The following CUX1 variants were observed in gnomAD, a reference collection of about 807,000 sequenced individuals.
CUX1 encodes cut like homeobox 1, also known as protein CASP.
In CUX1, 31 loss-of-function variants were observed where a neutral mutation model predicts 158.8. The observed-to-expected ratio is 0.20, with a 90% CI of 0.15 to 0.26. The LOEUF (loss-of-function observed/expected upper bound fraction) is 0.26, where lower values mean the gene tolerates loss of function less well. Among genes scored for constraint, CUX1 ranks in the 10% least tolerant of loss-of-function variants. The pLI is 1.00. For missense variants in CUX1, 1,589 were observed against 2,014.6 expected, an observed-to-expected ratio of 0.79 and a Z score of 4.04; for synonymous variants, 879 against 862.1, an observed-to-expected ratio of 1.02 and a Z score of -0.34.
chr7:101,870,144 GT>G lies in CUX1; in HGVS notation c.31-45963del, dbSNP rs112866816. Among the ~76,000 whole-genome samples, 858 of 111,214 alleles carry G rather than the reference GT, an allele frequency of 7.7e-3. 16 individuals carry two copies. Among genetic ancestry groups the G allele is most frequent in the Middle Eastern group, 0.011 (2 of 176 alleles). 73.0% of individuals were successfully genotyped at this position (111,214 alleles called of 152,430 possible). A position where few individuals can be genotyped will look rare whatever the true frequency, so the allele number is the denominator to read the frequency against. ...GGCCATGCAGGCCCTGATGTTTAGT[GT>G]TTTTTTTGTTTTTTTTTTTTTTTTT... On this transcript the variant is annotated intron_variant, in intron 1 of 23. Transcript: ENST00000292535.
intron 5 of CUX1, among the ~76,000 whole-genome samples, chr7:102,101,931 A>G (rs1171167984): frequency 1.3e-5 from 2 of 150,936 alleles, no homozygotes; most frequent in African/African-American, 4.9e-5. Context: ...AAAAAAAAAG[A>G]CAAAAATGCT....
At chr7:102,108,797 TAGGCTGCAGTGCAG>T (rs1830623424) in intron 6 of CUX1, among the ~76,000 whole-genome samples, 1 of 144,692 alleles carries the variant, frequency 6.9e-6, no homozygotes, top group East Asian at 2.0e-4. Flanking sequence ...CTCTGTCACC[TAGGCTGCAGTGCAG>T]TGACACGATC....
intron 2 of CUX1, among the ~76,000 whole-genome samples, chr7:102,027,891 G>A (rs892991499): frequency 8.5e-5 from 13 of 152,130 alleles, no homozygotes; most frequent in African/African-American, 3.1e-4. Context: ...GAACCACCTC[G>A]TTGTATTCTT....
chr7:102,263,486 GT>G (rs1472464302), intron 14 of CUX1, among the ~76,000 whole-genome samples: 4 of 151,074 alleles, frequency 2.6e-5, no homozygotes, highest in Admixed American at 2.6e-4. Flanking sequence ...GCTAATTTTT[GT>G]TATTTTTAGT....
Position 101,915,650 on chromosome 7 carries a change from C to T in CUX1, c.31-465C>T, listed in dbSNP as rs182845161. Among the ~76,000 whole-genome samples the T allele has an allele frequency of 3.4e-3, 511 of 152,196 alleles. 3 individuals are homozygous for T. Among genetic ancestry groups the T allele is most frequent in the Non-Finnish European group, 4.8e-3 (329 of 68,012 alleles). The stretch of plus-strand genomic sequence containing the variant: ...ATCCCAGGCCCACAGCATTGAAGGA[C>T]GGCCACACGGAATGCCCCGAGGAGG... On this transcript the variant is annotated intron_variant, in intron 1 of 23. Transcript: ENST00000292535.
chr7:101,873,504 TTA>T (rs35523714), intron 1 of CUX1, among the ~76,000 whole-genome samples: 57,897 of 151,738 alleles, frequency 0.38, 12,376 homozygotes, highest in East Asian at 0.88. Flanking sequence ...TTGGCTTTAA[TTA>T]TATTTGTGGA....
intron 8 of CUX1, among the ~76,000 whole-genome samples, chr7:102,129,235 G>C (rs530262364): frequency 1.3e-5 from 2 of 152,312 alleles, no homozygotes; most frequent in African/African-American, 4.8e-5. Flanking sequence ...GGGCACCCAG[G>C]TGTAAAGCTT....
At chr7:102,103,543 A>T (rs1236062975) in intron 5 of CUX1, among the ~76,000 whole-genome samples, 3 of 151,574 alleles carry the variant, frequency 2.0e-5, no homozygotes, top group Non-Finnish European at 4.4e-5. Flanking sequence ...ACATCCTTCC[A>T]CCTCAGCCTC....
At chr7:102,277,679 A>G (rs898134880) in intron 17 of CUX1, among the ~76,000 whole-genome samples, 2 of 152,226 alleles carry the variant, frequency 1.3e-5, no homozygotes, top group African/African-American at 4.8e-5. Flanking sequence ...ATTAAGGTTG[A>G]TGCAAATGTA....
At chr7:101,836,209 T>C (rs1324431161) in intron 1 of CUX1, among the ~76,000 whole-genome samples, 1 of 152,226 alleles carries the variant, frequency 6.6e-6, no homozygotes, top group African/African-American at 2.4e-5. Flanking sequence ...TCCAGAATGC[T>C]GCTTTTAACA....
At position 101,916,183 on chromosome 7, in the gene CUX1, G is replaced by A. The variant is rs1563004831; in HGVS notation, c.99G>A (p.Arg33=). 1 of 1,614,028 alleles carries A rather than the reference G, an allele frequency of 6.2e-7. No homozygotes were observed. The highest frequency in any genetic ancestry group is 8.5e-7 in the Non-Finnish European group (1 of 1,179,934). ...ATGAAAGTGAGCAGTCCAGAAAGCGGCTTATCGAACAGAGCCGGGAGTTCA... is the reference window on the plus strand; with the variant it reads ...ATGAAAGTGAGCAGTCCAGAAAGCGACTTATCGAACAGAGCCGGGAGTTCA... ...RQDESEQSRK[R]LIEQSREFKK... is the part of the protein sequence containing the mutation. Residue 33 remains arginine, a synonymous_variant, in exon 2 of 24, where the codon CGG becomes CGA. Transcript: ENST00000292535. The surrounding 1 kb of genome is among the most constrained non-coding windows in gnomAD (Gnocchi z 4.4).
intron 2 of CUX1, among the ~76,000 whole-genome samples, chr7:102,027,121 A>T (rs1202081739): frequency 6.6e-6 from 1 of 152,168 alleles, no homozygotes; most frequent in Non-Finnish European, 1.5e-5. Flanking sequence ...ATGGTGGCTC[A>T]TGCCTGTAAT....
intron 11 of CUX1, among the ~76,000 whole-genome samples, chr7:102,180,426 C>T (rs1190750856): frequency 1.3e-5 from 2 of 150,750 alleles, no homozygotes; most frequent in Non-Finnish European, 2.9e-5. Flanking sequence ...AAGCGATTCT[C>T]CTTGCCTCAG....
At chr7:102,221,285 A>G (rs1797767425) in intron 20 of CUX1, among the ~76,000 whole-genome samples, 1 of 152,272 alleles carries the variant, frequency 6.6e-6, no homozygotes, top group South Asian at 2.1e-4. Context: ...CTGAATGCAC[A>G]GTTCGCCTTA....
At chr7:102,162,306 C>CT (rs1790526852) in intron 9 of CUX1, among the ~76,000 whole-genome samples, 1 of 152,028 alleles carries the variant, frequency 6.6e-6, no homozygotes, top group Admixed American at 6.6e-5. Context: ...GACAGTCTTG[C>CT]TCTGTTGCCC....
At chr7:102,193,788 C>A in intron 12 of CUX1, 54 bp from the exon 13 acceptor site, 1 of 1,557,320 alleles carries the variant, frequency 6.4e-7, no homozygotes, top group Non-Finnish European at 8.8e-7. Context: ...GGTGACAGAA[C>A]GAGACTCTGT....
chr7:101,957,827 ACT>A (rs1246515454), intron 2 of CUX1, among the ~76,000 whole-genome samples: 1 of 151,994 alleles, frequency 6.6e-6, no homozygotes, highest in Non-Finnish European at 1.5e-5. Flanking sequence ...TTTTTGAAAG[ACT>A]CTTCGTACTT....
At chr7:101,976,250 A>G (rs1484965864) in intron 2 of CUX1, among the ~76,000 whole-genome samples, 3 of 152,226 alleles carry the variant, frequency 2.0e-5, no homozygotes, top group African/African-American at 7.2e-5. Context: ...ACTCTCTTAT[A>G]GTAATTGTAG....
chr7:101,879,592 C>T (rs1293444651), intron 1 of CUX1, among the ~76,000 whole-genome samples: 1 of 152,038 alleles, frequency 6.6e-6, no homozygotes, highest in Admixed American at 6.5e-5. Context: ...CTTCCCCTGC[C>T]CTGGAGGCCT....
Sources: allele counts gnomAD v4.1 joint callset (sites outside exome capture counted in the v4.1 genomes callset), GRCh38; gene constraint gnomAD v4.1.1; non-coding constraint Gnocchi (gnomAD v3.1); transcripts MANE v1.5; gene names NCBI Gene and HGNC (gene_info 2026-07-23, HGNC 2026-07-21).